Variants in FOXO3 observed in about 807,000 individuals in gnomAD.
FOXO3 encodes the protein forkhead box O3.
A neutral mutation model predicts 41.9 loss-of-function variants in FOXO3; 4 were observed. The ratio of observed to expected loss-of-function variants is 0.10; its 90% CI spans 0.05 to 0.22. FOXO3 has a LOEUF of 0.22. FOXO3 is among the 10% of genes least tolerant of loss of function. The pLI, the probability that FOXO3 is intolerant of heterozygous loss-of-function variation, is 1.00. For missense variants in FOXO3, 534 were observed against 906.8 expected (o/e 0.59, Z 5.28); for synonymous variants, 318 against 389.3 (o/e 0.82, Z 2.16).
intron 1 of FOXO3, among the ~76,000 whole-genome samples, chr6:108,618,901 C>T (rs1777591334): frequency 6.6e-6 from 1 of 152,150 alleles, no homozygotes; most frequent in Non-Finnish European, 1.5e-5. Context: ...TCTGTGTTAC[C>T]TCTACTCAGT....
At chr6:108,631,389 C>G (rs1305392460) in intron 1 of FOXO3, among the ~76,000 whole-genome samples, 1 of 152,152 alleles carries the variant, frequency 6.6e-6, no homozygotes, top group Non-Finnish European at 1.5e-5. Flanking sequence ...GTTTAGGGCC[C>G]TGACTTATAC....
At chr6:108,643,415 A>G (rs1018695173) in intron 1 of FOXO3, among the ~76,000 whole-genome samples, 10 of 152,236 alleles carry the variant, frequency 6.6e-5, no homozygotes, top group African/African-American at 2.2e-4. Context: ...CCTTGAGGTC[A>G]CGTCAGAGAG....
At chr6:108,635,112 C>T (rs1778087370) in intron 1 of FOXO3, among the ~76,000 whole-genome samples, 1 of 151,898 alleles carries the variant, frequency 6.6e-6, no homozygotes, top group South Asian at 2.1e-4. Context: ...ACCAGTCTGG[C>T]CAACATGGCA....
chr6:108,682,976 A>G lies in FOXO3; in HGVS notation c.*3184A>G, dbSNP rs1770924671. The G allele has an allele frequency of 6.6e-6, 1 of 152,666 alleles. No individual in the cohort carries two copies. Among genetic ancestry groups the G allele is most frequent in the Non-Finnish European group, 1.5e-5 (1 of 68,040 alleles). 9.5% of individuals were successfully genotyped at this position (152,666 alleles called of 1,614,324 possible). On this transcript the variant is annotated 3_prime_UTR_variant, in exon 3 of 3. Coordinates refer to ENST00000406360, the MANE Select transcript of FOXO3 (RefSeq NM_001455.4). ...GAACCTGATACCTGTTACCAAAGCTAGGAAAGAGCTTTATCACAAGCCTTC... is the reference window on the plus strand; with the variant it reads ...GAACCTGATACCTGTTACCAAAGCTGGGAAAGAGCTTTATCACAAGCCTTC...
intron 1 of FOXO3, among the ~76,000 whole-genome samples, chr6:108,648,592 T>C (rs554085256): frequency 2.6e-5 from 4 of 152,296 alleles, no homozygotes; most frequent in South Asian, 2.1e-4. Flanking sequence ...TTCCTTCTTA[T>C]TTTACATAGG....
intron 2 of FOXO3, among the ~76,000 whole-genome samples, chr6:108,672,919 A>G (rs535452247): frequency 1.4e-4 from 21 of 152,142 alleles, no homozygotes; most frequent in Admixed American, 2.6e-4. Context: ...AGGGGAAATC[A>G]GTGACTAAGA....
intron 1 of FOXO3, among the ~76,000 whole-genome samples, chr6:108,597,524 A>G (rs546834353): frequency 4.6e-5 from 7 of 152,324 alleles, no homozygotes; most frequent in African/African-American, 1.7e-4. Flanking sequence ...TGTACCTAAC[A>G]AATGGATAAT....
intron 1 of FOXO3, among the ~76,000 whole-genome samples, chr6:108,572,474 T>TC (rs1175471666): frequency 6.6e-6 from 1 of 152,180 alleles, no homozygotes; most frequent in Non-Finnish European, 1.5e-5. Context: ...AAAAACCAGC[T>TC]CTTCTTTTAA....
At chr6:108,559,832 G>A (rs1775721799), upstream of FOXO3, 1 of 152,464 alleles carries the variant, frequency 6.6e-6, no homozygotes. Flanking sequence ...CCTGCTCGTG[G>A]AAGGGAGGAG....
At position 108,664,361 on chromosome 6, in the gene FOXO3, A is replaced by G; in HGVS notation, c.1528A>G (p.Met510Val). 10 of 1,613,368 alleles carry G rather than the reference A, an allele frequency of 6.2e-6. No homozygotes were observed. Among genetic ancestry groups the G allele is most frequent in the Non-Finnish European group, 8.5e-6 (10 of 1,179,668 alleles). The change falls in exon 2 of 3, where the codon ATG becomes GTG. Residue 510 changes from methionine (M) to valine (V), a missense_variant. Physicochemically the swap from Met to Val is conservative, Grantham distance 21. Coordinates refer to ENST00000406360, the MANE Select transcript of FOXO3 (RefSeq NM_001455.4). ...TGCCCAGAATTCCCGCCGGAACGTG[A>G]TGCTTCGCAATGATCCGATGATGTC... ...VSAQNSRRNVMLRNDPMMSFA... is the reference protein window; with the variant it reads ...VSAQNSRRNVVLRNDPMMSFA...
At chr6:108,605,098 ATCC>A (rs1190966379) in intron 1 of FOXO3, among the ~76,000 whole-genome samples, 1 of 152,030 alleles carries the variant, frequency 6.6e-6, no homozygotes, top group Non-Finnish European at 1.5e-5. Flanking sequence ...TATCATGGGT[ATCC>A]TTATATCTAA....
chr6:108,614,141 G>A (rs1777432619), intron 1 of FOXO3, among the ~76,000 whole-genome samples: 1 of 152,004 alleles, frequency 6.6e-6, no homozygotes, highest in South Asian at 2.1e-4. Flanking sequence ...CTATCTTATT[G>A]AATGTTTTCC....
Position 108,678,764 on chromosome 6 carries a change from G to A in FOXO3, c.*35-1063G>A, listed in dbSNP as rs187028668. Among the ~76,000 whole-genome samples, 587 of 151,398 alleles carry A rather than the reference G, an allele frequency of 3.9e-3. 2 individuals are homozygous for A. Among genetic ancestry groups the A allele is most frequent in the African/African-American group, 0.014 (564 of 41,272 alleles). ...AAATTCCTAAGCCAGGTGCATTGGC[G>A]TGCCTGTAGTCCTAGCTACTCAGGA... On this transcript the variant is annotated intron_variant, in intron 2 of 2. Transcript: ENST00000406360.
At chr6:108,601,464 C>A (rs563007733) in intron 1 of FOXO3, among the ~76,000 whole-genome samples, 2 of 151,954 alleles carry the variant, frequency 1.3e-5, no homozygotes, top group Non-Finnish European at 2.9e-5. Flanking sequence ...CCACCTTGCC[C>A]GGCTAATTTT....
chr6:108,562,768 A>G (rs990200929), intron 1 of FOXO3, among the ~76,000 whole-genome samples: 4 of 152,124 alleles, frequency 2.6e-5, no homozygotes, highest in African/African-American at 9.7e-5. Context: ...TGGTAGGGAG[A>G]GAGGTGTGGA....
chr6:108,664,015 C>T lies in FOXO3; in HGVS notation c.1182C>T (p.Ile394=). Reference sequence around the variant, plus strand: ...TCATGGACGACCTGCTGGATAACATCACGCTCCCGCCATCCCAGCCATCGC... The same window carrying T: ...TCATGGACGACCTGCTGGATAACATTACGCTCCCGCCATCCCAGCCATCGC... The part of the protein sequence containing the change: ...ENLMDDLLDN[I]TLPPSQPSPT... Residue 394 remains isoleucine (I), a synonymous_variant, in exon 2 of 3, where the codon ATC becomes ATT. Transcript: ENST00000406360. The T allele has an allele frequency of 6.2e-7, 1 of 1,614,142 alleles. No individual in the cohort carries two copies. The highest frequency in any genetic ancestry group is 1.7e-5 in the Admixed American group (1 of 60,032).
chr6:108,678,946 A>T (rs1394871684), intron 2 of FOXO3, among the ~76,000 whole-genome samples: 1 of 127,548 alleles, frequency 7.8e-6, no homozygotes, highest in Non-Finnish European at 1.6e-5. Flanking sequence ...ATCTTGGCTC[A>T]CTGCAAGCTC....
At chr6:108,598,863 A>ACTGG (rs1299342733) in intron 1 of FOXO3, among the ~76,000 whole-genome samples, 1 of 152,124 alleles carries the variant, frequency 6.6e-6, no homozygotes, top group East Asian at 1.9e-4. Flanking sequence ...GAGACTGCCC[A>ACTGG]CCCAGGGCAG....
chr6:108,656,713 T>C (rs1778698804), intron 1 of FOXO3, among the ~76,000 whole-genome samples: 1 of 152,238 alleles, frequency 6.6e-6, no homozygotes, highest in Admixed American at 6.5e-5. Context: ...AATTATCCCC[T>C]TTGTAAATTA....
Sources: gnomAD v4.1 joint callset for allele counts (sites outside exome capture counted in the v4.1 genomes callset) on GRCh38, gnomAD v4.1.1 for gene constraint, MANE v1.5 for transcripts, NCBI Gene and HGNC (gene_info 2026-07-23, HGNC 2026-07-21) for gene names.